Variants in KLHL12 observed in about 807,000 individuals in gnomAD.
KLHL12 encodes kelch like family member 12.
In KLHL12, 17 loss-of-function variants were observed where a neutral mutation model predicts 60.8. The observed-to-expected ratio is 0.28, with a 90% CI of 0.19 to 0.42. The LOEUF is 0.42. Among genes scored for constraint, KLHL12 ranks in the 10% least tolerant of loss-of-function variants. KLHL12 has a pLI of 1.00. For missense variants in KLHL12, 468 were observed against 722.3 expected (o/e 0.65, Z 4.04); for synonymous variants, 220 against 250.9 (o/e 0.88, Z 1.16).
At chr1:202,914,096 A>T (rs764515708) in intron 4 of KLHL12, among the ~76,000 whole-genome samples, 3 of 152,212 alleles carry the variant, frequency 2.0e-5, no homozygotes, top group Non-Finnish European at 2.9e-5. Flanking sequence ...GAAGCTGGAG[A>T]GTTAAGCAAG....
rs1315583511 is a variant in KLHL12 at position 202,891,851 on chromosome 1, GT to G, written c.*681del. On this transcript the variant is annotated 3_prime_UTR_variant, in exon 12 of 12. Transcript: ENST00000367261. ...TAATATACCCTTCTCAGTCTTCCAG[GT>G]TATGTAATACTTCAGTGCTGTTCTA... 6.6e-6 allele frequency: 1 copy of G among 152,090 alleles called. No homozygotes were observed. Among genetic ancestry groups the G allele is most frequent in the African/African-American group, 2.4e-5 (1 of 41,410 alleles). 9.4% of individuals were successfully genotyped at this position (152,090 alleles called of 1,614,324 possible).
upstream of KLHL12, among the ~76,000 whole-genome samples, chr1:202,928,149 C>T (rs1283217157): frequency 1.3e-5 from 2 of 151,006 alleles, no homozygotes; most frequent in East Asian, 3.9e-4. Context: ...GTGGCGGGCG[C>T]CAGTAGTCCC....
chr1:202,894,044 G>C (rs1464296644), intron 10 of KLHL12, 140 bp downstream of exon 10: 2 of 570,610 alleles, frequency 3.5e-6, no homozygotes, highest in Non-Finnish European at 6.3e-6. Flanking sequence ...CTTTATCCTA[G>C]TATTTAGAGA....
At chr1:202,918,514 CAG>C in intron 3 of KLHL12, 126 bp from the exon 4 acceptor site, 1 of 727,538 alleles carries the variant, frequency 1.4e-6, no homozygotes, top group Non-Finnish European at 2.3e-6. Context: ...ACCTAAGAAA[CAG>C]ATTAGAAATT....
intron 1 of KLHL12, among the ~76,000 whole-genome samples, chr1:202,926,193 ACTTG>A (rs541375027): frequency 1.1e-3 from 172 of 152,134 alleles, no homozygotes; most frequent in African/African-American, 3.8e-3. Flanking sequence ...ATGGACTTAC[ACTTG>A]CTTAAGATAT....
At position 202,892,769 on chromosome 1, in the gene KLHL12, G is replaced by A; in HGVS notation, c.1581-110C>T. ...AGGTAAGAGGATTGCTTAAGCCCAGGAGGGAATTTGAGACCAGCCTGGGCA... is the reference window on the plus strand; with the variant it reads ...AGGTAAGAGGATTGCTTAAGCCCAGAAGGGAATTTGAGACCAGCCTGGGCA... On this transcript the variant is annotated intron_variant, in intron 11 of 11. Transcript: ENST00000367261. The A allele has an allele frequency of 3.6e-6, 4 of 1,120,554 alleles. No individual in the cohort carries two copies. The South Asian group carries it at 6.2e-5, about 17-fold the overall frequency. The allele number at this position is 1,120,554 out of a possible 1,614,324, so 69.4% of individuals were successfully genotyped here.
intron 6 of KLHL12, among the ~76,000 whole-genome samples, chr1:202,907,975 T>C (rs1660246537): frequency 6.6e-6 from 1 of 152,120 alleles, no homozygotes; most frequent in African/African-American, 2.4e-5. Context: ...AGCAGCTTAA[T>C]TATCAACTAA....
chr1:202,928,474 G>T, upstream of KLHL12: 1 of 1,297,922 alleles, frequency 7.7e-7, no homozygotes, highest in Non-Finnish European at 1.0e-6. Context: ...CAGCAAGTAT[G>T]TTTTACCTTC....
At position 202,892,608 on chromosome 1, in the gene KLHL12, G is replaced by A. The variant is rs759002174; in HGVS notation, c.1632C>T (p.Ile544=). ...LSSIECYDPI[I]DSWEVVTSMG... is the part of the protein sequence containing the mutation. ...TGGATGTCACGACTTCCCAGCTGTC[G>A]ATGATAGGGTCATAACATTCAATGC... The change falls in exon 12 of 12, where the codon ATC becomes ATT. Residue 544 remains isoleucine, a synonymous_variant. Transcript: ENST00000367261. 7 of 1,614,046 alleles carry A rather than the reference G, an allele frequency of 4.3e-6. No individual in the cohort carries two copies. Among genetic ancestry groups the A allele is most frequent in the South Asian group, 3.3e-5 (3 of 91,074 alleles).
upstream of KLHL12, chr1:202,927,373 G>A (rs1420063922): frequency 4.4e-6 from 3 of 680,856 alleles, no homozygotes; most frequent in Non-Finnish European, 5.4e-6. Flanking sequence ...TACGCTGCTA[G>A]GAAGCCGAAT....
chr1:202,917,842 T>C (rs1239050611), intron 4 of KLHL12, among the ~76,000 whole-genome samples: 4 of 152,212 alleles, frequency 2.6e-5, no homozygotes, highest in Non-Finnish European at 4.4e-5. Context: ...TGCTACATAG[T>C]AGATATTCTC....
chr1:202,905,112 G>A (rs1337224276), intron 6 of KLHL12, among the ~76,000 whole-genome samples: 1 of 152,170 alleles, frequency 6.6e-6, no homozygotes, highest in Non-Finnish European at 1.5e-5. Context: ...AACTGCTTCA[G>A]CATTTCCCTT....
chr1:202,904,839 G>A (rs917627613), intron 6 of KLHL12, among the ~76,000 whole-genome samples: 3 of 152,164 alleles, frequency 2.0e-5, no homozygotes, highest in Admixed American at 6.5e-5. Flanking sequence ...TTCAAAAAAG[G>A]AGACAGCCAC....
At position 202,909,145 on chromosome 1, in the gene KLHL12, G is replaced by A; in HGVS notation, c.718-21C>T. 1 of 1,492,570 alleles carries A rather than the reference G, an allele frequency of 6.7e-7. No homozygotes were observed. Among genetic ancestry groups the A allele is most frequent in the Non-Finnish European group, 9.3e-7 (1 of 1,069,822 alleles). 92.5% of individuals were successfully genotyped at this position (1,492,570 alleles called of 1,614,324 possible). A position where few individuals can be genotyped will look rare whatever the true frequency, so the allele number is the denominator to read the frequency against. ...AAAGGCTGAAATATAGCAGACAGCAGAGTTAGGCACTGGGGATACCTGTAA... is the reference window on the plus strand; with the variant it reads ...AAAGGCTGAAATATAGCAGACAGCAAAGTTAGGCACTGGGGATACCTGTAA... On this transcript the variant is annotated intron_variant, in intron 5 of 11. Coordinates refer to ENST00000367261, the MANE Select transcript of KLHL12 (RefSeq NM_021633.4). The surrounding 1 kb of genome is among the most constrained non-coding windows in gnomAD (Gnocchi z 4.1).
At chr1:202,912,013 G>C (rs1660377709) in intron 4 of KLHL12, 8 of 789,200 alleles carry the variant, frequency 1.0e-5, no homozygotes, top group Non-Finnish European at 1.8e-5. Flanking sequence ...CATTGTGGAG[G>C]AGGTGGATGC....
chr1:202,914,444 A>G (rs1406571035), intron 4 of KLHL12, among the ~76,000 whole-genome samples: 1 of 152,240 alleles, frequency 6.6e-6, no homozygotes, highest in South Asian at 2.1e-4. Context: ...TAAAACTTTT[A>G]TATGATTGGA....
Position 202,925,044 on chromosome 1 carries a change from T to C in KLHL12, c.119A>G (p.Glu40Gly). The C allele has an allele frequency of 2.5e-6, 4 of 1,614,102 alleles. No homozygotes were observed. Among genetic ancestry groups the C allele is most frequent in the Non-Finnish European group, 2.5e-6 (3 of 1,179,982 alleles). Reference sequence around the variant, plus strand: ...CCGATGGGCAGGGAAGTCTTTCTGCTCTACTCTCAATGTCACATCACAGAG... The same window carrying C: ...CCGATGGGCAGGGAAGTCTTTCTGCCCTACTCTCAATGTCACATCACAGAG... ...NTLCDVTLRV[E>G]QKDFPAHRIV... Residue 40 changes from glutamate (E) to glycine (G), a missense_variant, in exon 2 of 12, where the codon GAG becomes GGG. Glu to Gly is a moderately conservative substitution (Grantham distance 98). Coordinates refer to ENST00000367261, the MANE Select transcript of KLHL12 (RefSeq NM_021633.4).
In KLHL12 at chr1:202,911,273, C is replaced by T. The variant is rs1028948045; in HGVS notation, c.568-70G>A. On this transcript the variant is annotated intron_variant, in intron 4 of 11. Transcript: ENST00000367261. ...AGCTCACCATCTCAAAACGTAACCA[C>T]GTTCACTTTTTCCTTCCTGCTTCCC... 73 of 1,530,866 alleles carry T rather than the reference C, an allele frequency of 4.8e-5. No individual in the cohort carries two copies. The Admixed American group carries it at 5.0e-4, about 10-fold the overall frequency. 94.8% of individuals were successfully genotyped at this position (1,530,866 alleles called of 1,614,324 possible). A position where few individuals can be genotyped will look rare whatever the true frequency, so the allele number is the denominator to read the frequency against.
chr1:202,912,666 C>T (rs1660401787), intron 4 of KLHL12: 46 of 1,299,292 alleles, frequency 3.5e-5, no homozygotes, highest in South Asian at 8.2e-5. Context: ...TGCCAAACCA[C>T]GAAACCAAGG....
Sources: gnomAD v4.1 joint callset for allele counts (sites outside exome capture counted in the v4.1 genomes callset) on GRCh38, gnomAD v4.1.1 for gene constraint, Gnocchi (gnomAD v3.1) non-coding constraint, MANE v1.5 for transcripts, NCBI Gene and HGNC (gene_info 2026-07-23, HGNC 2026-07-21) for gene names.